TMPRSS15: variants seen among roughly 807,000 people sequenced by gnomAD.
TMPRSS15 encodes the protein transmembrane serine protease 15, also known as enteropeptidase.
A neutral mutation model predicts 125.3 loss-of-function variants in TMPRSS15; 128 were observed. The ratio of observed to expected loss-of-function variants is 1.02; its 90% CI spans 0.89 to 1.18. The LOEUF is 1.18. TMPRSS15 is among the 50% of genes most tolerant of loss of function. The pLI, the probability that TMPRSS15 is intolerant of heterozygous loss-of-function variation, is 0.00. For missense variants in TMPRSS15, 1,283 were observed against 1,212.7 expected, an observed-to-expected ratio of 1.06 and a Z score of -0.86; for synonymous variants, 446 against 423.2, an observed-to-expected ratio of 1.05 and a Z score of -0.66.
At chr21:18,274,751 G>T (rs1412282393) in intron 24 of TMPRSS15, among the ~76,000 whole-genome samples, 1 of 152,182 alleles carries the variant, frequency 6.6e-6, no homozygotes, top group Non-Finnish European at 1.5e-5. Flanking sequence ...TGCACGCCTG[G>T]ATGATATTCT....
intron 1 of TMPRSS15, among the ~76,000 whole-genome samples, chr21:18,440,573 A>AT (rs1363431272): frequency 2.0e-5 from 3 of 152,004 alleles, no homozygotes; most frequent in Non-Finnish European, 4.4e-5. Context: ...CATATGGCTT[A>AT]TTTTTCATAT....
rs548738344 is a variant in TMPRSS15, at chr21:18,398,164, G to A, written c.276+35C>T. 9 of 1,612,030 alleles carry A rather than the reference G, an allele frequency of 5.6e-6. No homozygotes were observed. In the South Asian group the frequency reaches 9.9e-5, roughly 18 times the overall value. On this transcript the variant is annotated intron_variant, in intron 2 of 24. Coordinates refer to ENST00000284885, the MANE Select transcript of TMPRSS15 (RefSeq NM_002772.3). ...TGTTTTCAGCAAGTAGTTAAACTGT[G>A]TTATAAAATTTGAAACCAGCTGTCA...
chr21:18,299,667 T>A (rs2074944322), intron 18 of TMPRSS15, among the ~76,000 whole-genome samples: 1 of 152,220 alleles, frequency 6.6e-6, no homozygotes, highest in East Asian at 1.9e-4. Flanking sequence ...TTCAGCTGAA[T>A]GCCTGCCCTG....
At chr21:18,375,601 G>C (rs1255237951) in intron 5 of TMPRSS15, among the ~76,000 whole-genome samples, 1 of 152,130 alleles carries the variant, frequency 6.6e-6, no homozygotes, top group African/African-American at 2.4e-5. Context: ...TATTAACTCA[G>C]TGGGAAAAAG....
At chr21:18,347,216 T>G (rs977759577) in intron 10 of TMPRSS15, among the ~76,000 whole-genome samples, 1 of 152,134 alleles carries the variant, frequency 6.6e-6, no homozygotes, top group African/African-American at 2.4e-5. Flanking sequence ...TTCTCTGATG[T>G]CATTCGGCAT....
chr21:18,349,463 T>C (rs2075541967), intron 10 of TMPRSS15, among the ~76,000 whole-genome samples: 1 of 152,224 alleles, frequency 6.6e-6, no homozygotes, highest in Non-Finnish European at 1.5e-5. Flanking sequence ...TTTATCTGTT[T>C]CATTTAGTCT....
rs746499130 is a variant in TMPRSS15, at chr21:18,281,102, T to G, written c.2606A>C (p.Asn869Thr). ...AATGTCGTTGTCCTTTCTTCGCCTA[T>G]TGTAATGAGGGTTTATGACAATTTC... ...IDEIVINPHY[N>T]RRRKDNDIAM... is the part of the protein sequence containing the mutation. The change falls in exon 22 of 25, where the codon AAT becomes ACT. Residue 869 changes from asparagine to threonine, a missense_variant. Transcript: ENST00000284885. The G allele has an allele frequency of 3.7e-6, 6 of 1,614,126 alleles. No homozygotes were observed. The highest frequency in any genetic ancestry group is 2.7e-5 in the African/African-American group (2 of 75,032).
chr21:18,379,643 T>A (rs997476634), intron 4 of TMPRSS15, among the ~76,000 whole-genome samples: 1 of 152,114 alleles, frequency 6.6e-6, no homozygotes, highest in African/African-American at 2.4e-5. Context: ...GACGTAAATG[T>A]TCCAGGTTAA....
intron 1 of TMPRSS15, among the ~76,000 whole-genome samples, chr21:18,424,290 C>G (rs1180316734): frequency 6.6e-6 from 1 of 152,190 alleles, no homozygotes; most frequent in Non-Finnish European, 1.5e-5. Flanking sequence ...TCATGCTATT[C>G]AAATCTGAAT....
At chr21:18,394,236 T>G (rs1569053856) in intron 3 of TMPRSS15, among the ~76,000 whole-genome samples, 1 of 152,208 alleles carries the variant, frequency 6.6e-6, no homozygotes. Context: ...CAATTTATGT[T>G]GTATTTCAAA....
At chr21:18,459,486 C>T (rs1978510798) in intron 1 of TMPRSS15, among the ~76,000 whole-genome samples, 2 of 152,054 alleles carry the variant, frequency 1.3e-5, no homozygotes, top group African/African-American at 2.4e-5. Flanking sequence ...GTTGGCCAGG[C>T]TAGTCTCGAA....
At chr21:18,470,431 G>A (rs1415592448) in intron 1 of TMPRSS15, among the ~76,000 whole-genome samples, 1 of 151,870 alleles carries the variant, frequency 6.6e-6, no homozygotes, top group Non-Finnish European at 1.5e-5. Context: ...TGTATACCTA[G>A]GTCTAGATGA....
Position 18,362,664 on chromosome 21 carries a change from T to C in TMPRSS15, c.773+2476A>G, listed in dbSNP as rs577070109. On this transcript the variant is annotated intron_variant, in intron 7 of 24. Transcript: ENST00000284885. ...AAATTAAATTTCTTTAAATTTAATTTATACACTTTGTATTATTGTGTCAGT... is the reference window on the plus strand; with the variant it reads ...AAATTAAATTTCTTTAAATTTAATTCATACACTTTGTATTATTGTGTCAGT... Among the ~76,000 whole-genome samples the C allele has an allele frequency of 7.4e-4, 113 of 152,338 alleles. 1 individual carries two copies. Among genetic ancestry groups the C allele is most frequent in the Middle Eastern group, 6.8e-3 (2 of 294 alleles).
chr21:18,270,033 T>C lies in TMPRSS15; in HGVS notation c.2996A>G (p.Asn999Ser), dbSNP rs760547201. 6.2e-7 allele frequency: 1 copy of C among 1,613,988 alleles called. No homozygotes were observed. Among genetic ancestry groups the C allele is most frequent in the East Asian group, 2.2e-5 (1 of 44,864 alleles). ...GACCCTGGCATACACTCCGGGGCGA[T>C]TAGGCAGGGCACACTTGTATCCAAA... ...TSFGYKCALP[N>S]RPGVYARVSR... Residue 999 changes from asparagine (N) to serine (S), a missense_variant, in exon 25 of 25, where the codon AAT (asparagine) becomes AGT (serine). Physicochemically the swap from Asn to Ser is conservative, Grantham distance 46. Transcript: ENST00000284885.
chr21:18,362,674 GTAT>G, intron 7 of TMPRSS15, among the ~76,000 whole-genome samples: 1 of 152,172 alleles, frequency 6.6e-6, no homozygotes, highest in Admixed American at 6.5e-5. Flanking sequence ...TATACACTTT[GTAT>G]TATTGTGTCA....
intron 1 of TMPRSS15, among the ~76,000 whole-genome samples, chr21:18,474,264 C>T (rs529617660): frequency 5.8e-4 from 88 of 151,620 alleles, no homozygotes; most frequent in Non-Finnish European, 1.1e-3. Context: ...GATAAGTAGG[C>T]AGAGATATTA....
intron 10 of TMPRSS15, among the ~76,000 whole-genome samples, chr21:18,350,731 C>T (rs986236509): frequency 2.0e-5 from 3 of 151,780 alleles, no homozygotes; most frequent in African/African-American, 7.3e-5. Context: ...ACATTTAACA[C>T]ACCAAGGAAC....
At chr21:18,288,382 A>T (rs1368480336) in intron 21 of TMPRSS15, among the ~76,000 whole-genome samples, 1 of 152,142 alleles carries the variant, frequency 6.6e-6, no homozygotes, top group Non-Finnish European at 1.5e-5. Flanking sequence ...TGTAGAGTGT[A>T]CATTATTCAG....
At chr21:18,435,764 ACT>A (rs1268797287) in intron 1 of TMPRSS15, among the ~76,000 whole-genome samples, 1 of 151,318 alleles carries the variant, frequency 6.6e-6, no homozygotes. Context: ...CTGGTCCTGG[ACT>A]CTTTTTAGTT....
Sources: gnomAD v4.1 joint callset for allele counts (sites outside exome capture counted in the v4.1 genomes callset) on GRCh38, gnomAD v4.1.1 for gene constraint, MANE v1.5 for transcripts, NCBI Gene and HGNC (gene_info 2026-07-23, HGNC 2026-07-21) for gene names.